TMEM108: variants seen among roughly 807,000 people sequenced by gnomAD.
TMEM108 encodes the protein transmembrane protein 108, also known as cancer/testis antigen 124.
A neutral mutation model predicts 35.1 loss-of-function variants in TMEM108; 12 were observed. The observed-to-expected ratio is 0.34, with a 90% CI of 0.22 to 0.55. The LOEUF is 0.55. Ranked by LOEUF, TMEM108 falls within the 20% of genes least tolerant of loss-of-function variation. The pLI is 0.89. For missense variants in TMEM108, 680 were observed against 753.3 expected (o/e 0.90, Z 1.14); for synonymous variants, 287 against 308.6 (o/e 0.93, Z 0.73).
intron 3 of TMEM108, among the ~76,000 whole-genome samples, chr3:133,333,843 C>T (rs1022622145): frequency 4.6e-5 from 7 of 152,190 alleles, no homozygotes; most frequent in African/African-American, 1.7e-4. Flanking sequence ...CTTTGAGGGA[C>T]AGTCAAGGGA....
chr3:133,167,835 C>A (rs1286284338), intron 2 of TMEM108, among the ~76,000 whole-genome samples: 2 of 152,188 alleles, frequency 1.3e-5, no homozygotes, highest in African/African-American at 4.8e-5. Context: ...CAGAGAGGGG[C>A]TCCCACAGTG....
chr3:133,276,375 G>A (rs953660119), intron 3 of TMEM108, among the ~76,000 whole-genome samples: 1 of 152,136 alleles, frequency 6.6e-6, no homozygotes, highest in East Asian at 1.9e-4. Flanking sequence ...CAGGCTGGAT[G>A]GTTAAGGAGA....
At chr3:133,306,819 A>C (rs2071048781) in intron 3 of TMEM108, among the ~76,000 whole-genome samples, 1 of 152,158 alleles carries the variant, frequency 6.6e-6, no homozygotes, top group Non-Finnish European at 1.5e-5. Context: ...ATAATGCCAC[A>C]GTAAACATAC....
rs12495392 is a variant in TMEM108 at position 133,160,069 on chromosome 3, G to C, written c.-46-69197G>C. Reference sequence around the variant, plus strand: ...GTTGACAGACGCCTTCTTTGTGGAGGACTACAGGATTTTCCTGTGGTGTGC... The same window carrying C: ...GTTGACAGACGCCTTCTTTGTGGAGCACTACAGGATTTTCCTGTGGTGTGC... On this transcript the variant is annotated intron_variant, in intron 2 of 5. Transcript: ENST00000321871. Among the ~76,000 whole-genome samples, 993 of 152,300 alleles carry C rather than the reference G, an allele frequency of 6.5e-3. 10 individuals carry two copies. Among genetic ancestry groups the C allele is most frequent in the South Asian group, 0.025 (122 of 4,824 alleles).
Position 133,380,819 on chromosome 3 carries a change from G to C in TMEM108, c.1108G>C (p.Ala370Pro). 6.2e-7 allele frequency: 1 copy of C among 1,614,122 alleles called. No homozygotes were observed. Residue 370 changes from alanine to proline, a missense_variant, in exon 4 of 6, where the codon GCC becomes CCC. Ala to Pro is a conservative substitution (Grantham distance 27, BLOSUM62 -1). Coordinates refer to ENST00000321871, the MANE Select transcript of TMEM108 (RefSeq NM_023943.4). This position sits in a 1 kb window ranked among gnomAD's most constrained non-coding sequence, Gnocchi z 5.3. ...TPAAFDTSVS[A>P]PSQGIPQGAS... is the part of the protein sequence containing the mutation. ...AGCTGCCTTCGATACCAGTGTCTCA[G>C]CCCCTTCCCAGGGGATTCCTCAGGG...
At chr3:133,083,834 T>G (rs527246513) in intron 2 of TMEM108, among the ~76,000 whole-genome samples, 7 of 152,154 alleles carry the variant, frequency 4.6e-5, no homozygotes, top group Non-Finnish European at 8.8e-5. Flanking sequence ...TATTCTATTG[T>G]TTTCCCCTTT....
intron 2 of TMEM108, among the ~76,000 whole-genome samples, chr3:133,053,319 T>A (rs1470745503): frequency 1.3e-5 from 2 of 152,172 alleles, no homozygotes; most frequent in South Asian, 4.1e-4. Flanking sequence ...GAAAAATCAA[T>A]AAGAGAAATT....
chr3:133,327,515 A>G (rs1277908595), intron 3 of TMEM108, among the ~76,000 whole-genome samples: 2 of 152,142 alleles, frequency 1.3e-5, no homozygotes, highest in Non-Finnish European at 2.9e-5. Context: ...CTGAATAGTG[A>G]TAGGAGCCCC....
At chr3:133,082,282 C>T (rs1943821532) in intron 2 of TMEM108, among the ~76,000 whole-genome samples, 1 of 152,208 alleles carries the variant, frequency 6.6e-6, no homozygotes, top group East Asian at 1.9e-4. Flanking sequence ...AATGATGGTG[C>T]ATAACTGCCA....
At chr3:133,363,515 CCCACCTCAG>C (rs1183232955) in intron 3 of TMEM108, among the ~76,000 whole-genome samples, 1 of 151,956 alleles carries the variant, frequency 6.6e-6, no homozygotes, top group Non-Finnish European at 1.5e-5. Flanking sequence ...AAGCGATCCT[CCCACCTCAG>C]CCACCTGAGT....
intron 3 of TMEM108, among the ~76,000 whole-genome samples, chr3:133,333,258 A>G (rs147746213): frequency 5.9e-5 from 9 of 152,064 alleles, no homozygotes; most frequent in Non-Finnish European, 1.2e-4. Flanking sequence ...CCAGTCCCCC[A>G]TACCTGTTTT....
intron 3 of TMEM108, among the ~76,000 whole-genome samples, chr3:133,256,228 AAAT>A (rs1338027990): frequency 1.3e-5 from 2 of 152,240 alleles, no homozygotes; most frequent in African/African-American, 4.8e-5. Context: ...AGATCTGATC[AAAT>A]AATCATTAAA....
At chr3:133,219,253 A>T (rs559905092) in intron 2 of TMEM108, among the ~76,000 whole-genome samples, 1 of 151,760 alleles carries the variant, frequency 6.6e-6, no homozygotes, top group Non-Finnish European at 1.5e-5. Flanking sequence ...TCTAACTTTG[A>T]GTATTCTCTT....
chr3:133,127,365 C>A (rs1213691814), intron 2 of TMEM108, among the ~76,000 whole-genome samples: 1 of 152,224 alleles, frequency 6.6e-6, no homozygotes, highest in African/African-American at 2.4e-5. Flanking sequence ...ACAGAAAGGA[C>A]TGCTTTCTCT....
At chr3:133,279,081 A>G (rs1946876424) in intron 3 of TMEM108, among the ~76,000 whole-genome samples, 1 of 152,210 alleles carries the variant, frequency 6.6e-6, no homozygotes, top group African/African-American at 2.4e-5. Flanking sequence ...TTGCCTATTC[A>G]GACTATCGAG....
intron 2 of TMEM108, among the ~76,000 whole-genome samples, chr3:133,213,822 A>T (rs1304660593): frequency 1.3e-5 from 2 of 152,078 alleles, no homozygotes; most frequent in African/African-American, 4.8e-5. Context: ...TAATTCTGTT[A>T]TTCAAGTTGC....
intron 3 of TMEM108, among the ~76,000 whole-genome samples, chr3:133,342,428 A>ATGT (rs2071684265): frequency 1.3e-5 from 2 of 150,466 alleles, no homozygotes; most frequent in South Asian, 4.2e-4. Flanking sequence ...ATTTACCCTG[A>ATGT]TGTGATTATT....
chr3:133,230,575 G>C (rs1300371697), intron 3 of TMEM108, among the ~76,000 whole-genome samples: 2 of 152,150 alleles, frequency 1.3e-5, no homozygotes, highest in Non-Finnish European at 2.9e-5. Flanking sequence ...CTGCCTTGAT[G>C]GGAGAGGAGA....
intron 2 of TMEM108, among the ~76,000 whole-genome samples, chr3:133,138,191 C>T (rs1175494214): frequency 3.3e-5 from 5 of 152,148 alleles, no homozygotes; most frequent in Admixed American, 1.3e-4. Flanking sequence ...ACTAGGAATC[C>T]GGAGTTGAGA....
Sources: allele counts gnomAD v4.1 joint callset (sites outside exome capture counted in the v4.1 genomes callset), GRCh38; gene constraint gnomAD v4.1.1; non-coding constraint Gnocchi (gnomAD v3.1); transcripts MANE v1.5; gene names NCBI Gene and HGNC (gene_info 2026-07-23, HGNC 2026-07-21).